The following TSPAN9 variants were observed in gnomAD, a reference collection of about 807,000 sequenced individuals.
The protein encoded by TSPAN9 is tetraspanin 9.
Under a neutral mutation model 31.0 loss-of-function variants are expected in TSPAN9, and 16 were observed. The ratio of observed to expected loss-of-function variants is 0.52; its 90% CI spans 0.35 to 0.78. The LOEUF is 0.78. TSPAN9 is among the 30% of genes least tolerant of loss of function. The pLI is 0.01. For missense variants in TSPAN9, 272 were observed against 312.5 expected (o/e 0.87, Z 0.98); for synonymous variants, 145 against 121.6 (o/e 1.19, Z -1.27).
At chr12:3,157,588 A>G (rs1462022199) in intron 2 of TSPAN9, among the ~76,000 whole-genome samples, 1 of 152,242 alleles carries the variant, frequency 6.6e-6, no homozygotes, top group African/African-American at 2.4e-5. Flanking sequence ...AGTCTTTGGC[A>G]TATAGTAGAC....
At chr12:3,219,788 C>T (rs1484352273) in intron 3 of TSPAN9, among the ~76,000 whole-genome samples, 1 of 146,264 alleles carries the variant, frequency 6.8e-6, no homozygotes, top group Non-Finnish European at 1.5e-5. Context: ...CACCATGGCA[C>T]ATGTATACCA....
chr12:3,217,309 A>G (rs1565617971), intron 3 of TSPAN9, among the ~76,000 whole-genome samples: 1 of 152,174 alleles, frequency 6.6e-6, no homozygotes, highest in Non-Finnish European at 1.5e-5. Context: ...GGTTGGGCTT[A>G]GATCTTGCAC....
chr12:3,270,356 C>T (rs978989250), intron 3 of TSPAN9, among the ~76,000 whole-genome samples: 2 of 152,184 alleles, frequency 1.3e-5, no homozygotes, highest in Non-Finnish European at 2.9e-5. Flanking sequence ...GGGGACAGCA[C>T]ATGATAGATG....
At chr12:3,203,581 C>T (rs1400965598) in intron 3 of TSPAN9, among the ~76,000 whole-genome samples, 1 of 152,226 alleles carries the variant, frequency 6.6e-6, no homozygotes, top group African/African-American at 2.4e-5. Flanking sequence ...ATTACATTCT[C>T]TTTACCAGGC....
intron 3 of TSPAN9, among the ~76,000 whole-genome samples, chr12:3,245,875 T>G (rs1365773324): frequency 1.3e-5 from 2 of 150,966 alleles, no homozygotes; most frequent in African/African-American, 4.9e-5. Flanking sequence ...CCAGCCCGCC[T>G]TGCCTTCTGA....
At chr12:3,150,413 A>C (rs566962943) in intron 2 of TSPAN9, among the ~76,000 whole-genome samples, 6 of 152,170 alleles carry the variant, frequency 3.9e-5, no homozygotes, top group African/African-American at 7.2e-5. Context: ...CCCTAAATGG[A>C]TTGTAGTATA....
chr12:3,112,551 G>A (rs200909392), intron 2 of TSPAN9, among the ~76,000 whole-genome samples: 2 of 69,438 alleles, frequency 2.9e-5, no homozygotes, highest in African/African-American at 9.3e-5. Flanking sequence ...TTAAAAGTTT[G>A]TCAATTTTGT....
At chr12:3,227,940 A>G (rs1405075484) in intron 3 of TSPAN9, among the ~76,000 whole-genome samples, 1 of 152,174 alleles carries the variant, frequency 6.6e-6, no homozygotes, top group Non-Finnish European at 1.5e-5. Flanking sequence ...AAACGCCTTC[A>G]TATACGTCTC....
At chr12:3,219,199 G>A (rs1469620421) in intron 3 of TSPAN9, among the ~76,000 whole-genome samples, 1 of 152,246 alleles carries the variant, frequency 6.6e-6, no homozygotes, top group African/African-American at 2.4e-5. Flanking sequence ...ACTGTTGCCT[G>A]TGTGATCTAG....
chr12:3,187,810 C>T lies in TSPAN9; in HGVS notation c.-17-13367C>T, dbSNP rs2098362208. 6.6e-6 allele frequency among the ~76,000 whole-genome samples: 1 copy of T among 152,252 alleles called. No individual in the cohort carries two copies. The highest frequency in any genetic ancestry group is 6.5e-5 in the Admixed American group (1 of 15,298). On this transcript the variant is annotated intron_variant, in intron 2 of 8. Coordinates refer to ENST00000011898, the MANE Select transcript of TSPAN9 (RefSeq NM_006675.5). The surrounding 1 kb of genome is among the most constrained non-coding windows in gnomAD (Gnocchi z 5.2). ...CGTACCCCTTCTCCAAGAAGCCCTT[C>T]CTGATGGGCCAGACTCTCCCTGGGC... is the stretch of plus-strand genomic sequence containing the variant.
At chr12:3,116,433 G>A (rs1373590427) in intron 2 of TSPAN9, among the ~76,000 whole-genome samples, 3 of 152,172 alleles carry the variant, frequency 2.0e-5, no homozygotes, top group African/African-American at 4.8e-5. Flanking sequence ...GATGAAACAC[G>A]GCAATGCTTG....
chr12:3,216,169 G>T (rs1259320837), intron 3 of TSPAN9, among the ~76,000 whole-genome samples: 1 of 152,192 alleles, frequency 6.6e-6, no homozygotes, highest in Non-Finnish European at 1.5e-5. Flanking sequence ...GGGGCCCTCT[G>T]GGAGCTGGGG....
intron 2 of TSPAN9, among the ~76,000 whole-genome samples, chr12:3,144,543 A>T (rs1591646802): frequency 1.3e-5 from 2 of 152,202 alleles, no homozygotes; most frequent in East Asian, 3.8e-4. Context: ...CTTCCCCTAG[A>T]GGCTGCAGAG....
At chr12:3,275,727 C>T (rs1433207299) in intron 3 of TSPAN9, among the ~76,000 whole-genome samples, 1 of 152,210 alleles carries the variant, frequency 6.6e-6, no homozygotes, top group Non-Finnish European at 1.5e-5. Context: ...CTTTGGGAGC[C>T]CTGACGTGGT....
At chr12:3,121,915 A>G (rs2098325311) in intron 2 of TSPAN9, among the ~76,000 whole-genome samples, 1 of 152,122 alleles carries the variant, frequency 6.6e-6, no homozygotes, top group Admixed American at 6.5e-5. Flanking sequence ...GTGATGTTAT[A>G]CTGTATCAGT....
intron 2 of TSPAN9, among the ~76,000 whole-genome samples, chr12:3,145,901 G>T (rs2098336989): frequency 6.6e-6 from 1 of 152,250 alleles, no homozygotes; most frequent in Admixed American, 6.5e-5. Context: ...ATTAGCATGG[G>T]CACAGGGGAG....
intron 2 of TSPAN9, among the ~76,000 whole-genome samples, chr12:3,176,146 G>A (rs774029473): frequency 1.3e-5 from 2 of 152,198 alleles, no homozygotes; most frequent in African/African-American, 4.8e-5. Context: ...AGCCAGGGAC[G>A]GTGCTAGGTT....
Position 3,256,605 on chromosome 12 carries a change from G to C in TSPAN9, c.64-21816G>C, listed in dbSNP as rs1028566411. Among the ~76,000 whole-genome samples the C allele has an allele frequency of 3.9e-5, 6 of 152,330 alleles. No homozygotes were observed. The South Asian group carries it at 1.2e-3, about 32-fold the overall frequency. On this transcript the variant is annotated intron_variant, in intron 3 of 8. Transcript: ENST00000011898. ...GATGAGGTTAAATTCGGCCTTGTTG[G>C]CTGATTGGCATTTCTTGAGCTGGGT...
chr12:3,165,155 A>G (rs2098347635), intron 2 of TSPAN9, among the ~76,000 whole-genome samples: 1 of 152,000 alleles, frequency 6.6e-6, no homozygotes, highest in Middle Eastern at 3.2e-3. Flanking sequence ...GGGGAAGTTC[A>G]CTCACAGCCC....
Sources: gnomAD v4.1 joint callset for allele counts (sites outside exome capture counted in the v4.1 genomes callset) on GRCh38, gnomAD v4.1.1 for gene constraint, Gnocchi (gnomAD v3.1) non-coding constraint, MANE v1.5 for transcripts, NCBI Gene and HGNC (gene_info 2026-07-23, HGNC 2026-07-21) for gene names.